Variants in MEAK7 observed in about 807,000 individuals in gnomAD.
MEAK7 encodes MTOR associated protein MEAK7.
A neutral mutation model predicts 40.5 loss-of-function variants in MEAK7; 68 were observed. That is an observed-to-expected ratio of 1.68 (90% confidence interval 1.38 to 2.06). The LOEUF (loss-of-function observed/expected upper bound fraction) is 2.06. Ranked by LOEUF, MEAK7 falls within the 30% of genes most tolerant of loss-of-function variation. The pLI is 0.00. For synonymous variants in MEAK7, 338 were observed against 231.9 expected (o/e 1.46, Z -4.16); for missense variants, 918 against 580.5 (o/e 1.58, Z -5.98).
chr16:84,481,088 T>C lies in MEAK7; in HGVS notation c.1078-380A>G, dbSNP rs78575192. ...GAGAGGTGAACACAGAAGCTGACACTGCAAACCCCCTGTGTTGGGGCCCCA... is the reference window on the plus strand; with the variant it reads ...GAGAGGTGAACACAGAAGCTGACACCGCAAACCCCCTGTGTTGGGGCCCCA... On this transcript the variant is annotated intron_variant, in intron 6 of 7. Transcript: ENST00000343629. Among the ~76,000 whole-genome samples the C allele has an allele frequency of 5.3e-3, 805 of 152,278 alleles. 12 individuals are homozygous for C. The highest frequency in any genetic ancestry group is 0.018 in the African/African-American group (766 of 41,560).
At chr16:84,489,169 G>C (rs1913346483) in intron 4 of MEAK7, 109 bp downstream of exon 4, 3 of 1,367,478 alleles carry the variant, frequency 2.2e-6, no homozygotes, top group South Asian at 3.2e-5. Context: ...GAAGGTTCGA[G>C]GGCTCACGCA....
At chr16:84,495,994 TAGAG>T in intron 2 of MEAK7, 81 bp from the exon 3 acceptor site, 1 of 1,487,096 alleles carries the variant, frequency 6.7e-7, no homozygotes. Context: ...TTTAGGCAGA[TAGAG>T]AGGAAAAGGG....
chr16:84,482,741 G>T, intron 5 of MEAK7, 31 bp from the exon 6 acceptor site: 5 of 1,612,734 alleles, frequency 3.1e-6, no homozygotes, highest in Non-Finnish European at 4.2e-6. Flanking sequence ...AAACAAACAG[G>T]GTCGGTGTCT....
At chr16:84,488,617 C>T (rs969412742) in intron 4 of MEAK7, among the ~76,000 whole-genome samples, 1 of 152,000 alleles carries the variant, frequency 6.6e-6, no homozygotes, top group Non-Finnish European at 1.5e-5. Context: ...GAAATATAAT[C>T]AAAAATCAGT....
intron 6 of MEAK7, among the ~76,000 whole-genome samples, chr16:84,481,282 G>C (rs545305812): frequency 6.6e-6 from 1 of 152,228 alleles, no homozygotes; most frequent in African/African-American, 2.4e-5. Flanking sequence ...TCACCCTGCA[G>C]AGAACCTCCT....
chr16:84,479,733 C>T lies in MEAK7; in HGVS notation c.*180G>A, dbSNP rs568014991. 2.1e-5 allele frequency: 9 copies of T among 421,502 alleles called. No homozygotes were observed. The highest frequency in any genetic ancestry group is 1.8e-4 in the African/African-American group (9 of 49,044). The allele number at this position is 421,502 out of a possible 1,614,324, so 26.1% of individuals were successfully genotyped here. A position where few individuals can be genotyped will look rare whatever the true frequency, so the allele number is the denominator to read the frequency against. The stretch of plus-strand genomic sequence containing the variant: ...AAAAAACATCTATTTCTGGGAGATC[C>T]ACCCATGAGTCAGGACATGGCTTCA... On this transcript the variant is annotated 3_prime_UTR_variant, in exon 8 of 8. Coordinates refer to ENST00000343629, the MANE Select transcript of MEAK7 (RefSeq NM_020947.4).
intron 1 of MEAK7, among the ~76,000 whole-genome samples, chr16:84,501,847 G>A (rs1489490596): frequency 6.6e-6 from 1 of 152,180 alleles, no homozygotes; most frequent in Non-Finnish European, 1.5e-5. Flanking sequence ...CCCGTGCCAG[G>A]CAAGATAAAG....
rs1359453705 is a variant in MEAK7 at position 84,478,128 on chromosome 16, A to C, written c.*1785T>G. 2.0e-5 allele frequency: 3 copies of C among 150,706 alleles called. No homozygotes were observed. The highest frequency in any genetic ancestry group is 4.5e-5 in the Non-Finnish European group (3 of 67,370). 9.3% of individuals were successfully genotyped at this position (150,706 alleles called of 1,614,324 possible). A position where few individuals can be genotyped will look rare whatever the true frequency, so the allele number is the denominator to read the frequency against. Reference sequence around the variant, plus strand: ...ATTTTTATAAAAAACATTGCAAAACAAAGTGACAATAGGGACCTAAATTCT... The same window carrying C: ...ATTTTTATAAAAAACATTGCAAAACCAAGTGACAATAGGGACCTAAATTCT... On this transcript the variant is annotated 3_prime_UTR_variant, in exon 8 of 8. Transcript: ENST00000343629.
intron 4 of MEAK7, among the ~76,000 whole-genome samples, chr16:84,488,959 G>C (rs1913328591): frequency 6.6e-6 from 1 of 151,982 alleles, no homozygotes; most frequent in Non-Finnish European, 1.5e-5. Flanking sequence ...AAACTAGAAA[G>C]ACAACAGAAA....
Position 84,479,902 on chromosome 16 carries a change from C to T in MEAK7, c.*11G>A. 1 of 1,583,294 alleles carries T rather than the reference C, an allele frequency of 6.3e-7. No homozygotes were observed. Among genetic ancestry groups the T allele is most frequent in the Non-Finnish European group, 8.6e-7 (1 of 1,159,762 alleles). On this transcript the variant is annotated 3_prime_UTR_variant, in exon 8 of 8. Transcript: ENST00000343629. The stretch of plus-strand genomic sequence containing the variant: ...TCCAGGTCCTGGCTCCAGGAAGGCT[C>T]AGGCGGCTCCTCATTCATCGTCCGG...
rs8046272 is a variant in MEAK7, at chr16:84,497,600, G to A, written c.153+334C>T. The A allele has an allele frequency of 7.2e-3, 9,564 of 1,322,312 alleles. 464 individuals are homozygous for A. The African/African-American group carries it at 0.11, about 16-fold the overall frequency. The allele number at this position is 1,322,312 out of a possible 1,614,324, so 81.9% of individuals were successfully genotyped here. A position where few individuals can be genotyped will look rare whatever the true frequency, so the allele number is the denominator to read the frequency against. ...CTGATGTTCATCTCAAGTTAGAAAT[G>A]TCCCCAAATGTCGTGTGAATCATTC... On this transcript the variant is annotated intron_variant, in intron 2 of 7. Coordinates refer to ENST00000343629, the MANE Select transcript of MEAK7 (RefSeq NM_020947.4).
In MEAK7 at chr16:84,479,807, G is replaced by C. The variant is rs146353421; in HGVS notation, c.*106C>G. On this transcript the variant is annotated 3_prime_UTR_variant, in exon 8 of 8. Coordinates refer to ENST00000343629, the MANE Select transcript of MEAK7 (RefSeq NM_020947.4). Reference sequence around the variant, plus strand: ...GGGACTACCAGGCTGTGACCCGTGCGGTACGCTATTACAGTTAAACCATGT... The same window carrying C: ...GGGACTACCAGGCTGTGACCCGTGCCGTACGCTATTACAGTTAAACCATGT... The C allele has an allele frequency of 2.6e-6, 2 of 769,594 alleles. No individual in the cohort carries two copies. The highest frequency in any genetic ancestry group is 1.8e-5 in the African/African-American group (1 of 56,380). The allele number at this position is 769,594 out of a possible 1,614,324, so 47.7% of individuals were successfully genotyped here. A position where few individuals can be genotyped will look rare whatever the true frequency, so the allele number is the denominator to read the frequency against.
chr16:84,477,024 T>C lies in MEAK7; in HGVS notation c.*2889A>G, dbSNP rs1912140036. ...CTCACACCTCAGCCTCCCAAGTAGC[T>C]AGGACCACAGGCATGTGTTACCATG... On this transcript the variant is annotated 3_prime_UTR_variant, in exon 8 of 8. Transcript: ENST00000343629. The C allele has an allele frequency of 6.6e-6, 1 of 152,110 alleles. No homozygotes were observed. Among genetic ancestry groups the C allele is most frequent in the Non-Finnish European group, 1.5e-5 (1 of 68,074 alleles). 9.4% of individuals were successfully genotyped at this position (152,110 alleles called of 1,614,324 possible).
Position 84,494,680 on chromosome 16 carries a change from T to A in MEAK7, c.384+1003A>T, listed in dbSNP as rs1442658354. 2.5e-5 allele frequency: 9 copies of A among 365,958 alleles called. No homozygotes were observed. In the Middle Eastern group the frequency reaches 1.1e-3, roughly 45 times the overall value. 22.7% of individuals were successfully genotyped at this position (365,958 alleles called of 1,614,324 possible). A position where few individuals can be genotyped will look rare whatever the true frequency, so the allele number is the denominator to read the frequency against. On this transcript the variant is annotated intron_variant, in intron 3 of 7. Coordinates refer to ENST00000343629, the MANE Select transcript of MEAK7 (RefSeq NM_020947.4). ...TTCTCTCTTCCTCCCCCACTATTTT[T>A]TCTTCACGGGACATGAGACTTCACA...
chr16:84,498,070 C>G lies in MEAK7; in HGVS notation c.17G>C (p.Ser6Thr). The change falls in exon 2 of 8, where the codon AGC (serine) becomes ACC (threonine). Residue 6 changes from serine (S) to threonine (T), a missense_variant. Physicochemically the swap from Ser to Thr is moderately conservative, Grantham distance 58 (BLOSUM62 1). Transcript: ENST00000343629. MGNSR[S>T]RVGRSFCSQF... ...TGAACAAAAGCTCCGCCCCACACGG[C>G]TTCTGCTGTTCCCCATCTGTCCTGA... The G allele has an allele frequency of 6.2e-7, 1 of 1,612,212 alleles. No individual in the cohort carries two copies. Among genetic ancestry groups the G allele is most frequent in the Non-Finnish European group, 8.5e-7 (1 of 1,178,952 alleles).
In MEAK7 at chr16:84,482,628, G is replaced by C. The variant is rs773871801; in HGVS notation, c.1041C>G (p.Tyr347Ter). 3 of 1,614,250 alleles carry C rather than the reference G, an allele frequency of 1.9e-6. No homozygotes were observed. Among genetic ancestry groups the C allele is most frequent in the Non-Finnish European group, 1.7e-6 (2 of 1,180,048 alleles). ...GGATCGTCTGCTGTCCATGGTTCAAGTACATGTAGTGGTCGTTGTAGCCCG... is the reference window on the plus strand; with the variant it reads ...GGATCGTCTGCTGTCCATGGTTCAACTACATGTAGTGGTCGTTGTAGCCCG... ...THTGYNDHYMYLNHGQQTIPN... is the reference protein window; with the variant it reads ...THTGYNDHYM Residue 347 changes from tyrosine (Y) to a stop codon, truncating the protein, a stop_gained, in exon 6 of 8, where the codon TAC becomes TAG. Transcript: ENST00000343629. LOFTEE classifies it high-confidence loss of function.
At position 84,477,712 on chromosome 16, in the gene MEAK7, A is replaced by C. The variant is rs1912173663; in HGVS notation, c.*2201T>G. Reference sequence around the variant, plus strand: ...AAAAGAACAAACTATTCATTTGTGCAAACTAGGATTGCGAGTTTCTCAGAG... The same window carrying C: ...AAAAGAACAAACTATTCATTTGTGCCAACTAGGATTGCGAGTTTCTCAGAG... On this transcript the variant is annotated 3_prime_UTR_variant, in exon 8 of 8. Coordinates refer to ENST00000343629, the MANE Select transcript of MEAK7 (RefSeq NM_020947.4). 1 of 152,056 alleles carries C rather than the reference A, an allele frequency of 6.6e-6. No homozygotes were observed. The highest frequency in any genetic ancestry group is 2.4e-5 in the African/African-American group (1 of 41,344). 9.4% of individuals were successfully genotyped at this position (152,056 alleles called of 1,614,324 possible).
chr16:84,497,601 T>G, intron 2 of MEAK7: 1 of 1,323,512 alleles, frequency 7.6e-7, no homozygotes, highest in South Asian at 1.2e-5. Flanking sequence ...GTTAGAAATG[T>G]CCCCAAATGT....
At chr16:84,503,841 T>C in intron 1 of MEAK7, 1 of 779,490 alleles carries the variant, frequency 1.3e-6, no homozygotes, top group Non-Finnish European at 1.6e-6. Flanking sequence ...AGTCACCTCC[T>C]GCTCAGAGCT....
Sources: gnomAD v4.1 joint callset for allele counts (sites outside exome capture counted in the v4.1 genomes callset) on GRCh38, gnomAD v4.1.1 for gene constraint, MANE v1.5 for transcripts, NCBI Gene and HGNC (gene_info 2026-07-23, HGNC 2026-07-21) for gene names.